SEPTIN8: variants seen among roughly 807,000 people sequenced by gnomAD.
SEPTIN8 encodes the protein septin-8.
A neutral mutation model predicts 53.1 loss-of-function variants in SEPTIN8; 22 were observed. The ratio of observed to expected loss-of-function variants is 0.41; its 90% CI spans 0.30 to 0.59. The LOEUF is 0.59. Ranked by LOEUF, SEPTIN8 falls within the 20% of genes least tolerant of loss-of-function variation. The pLI is 0.24. For synonymous variants in SEPTIN8, 228 were observed against 248.4 expected, an observed-to-expected ratio of 0.92 and a Z score of 0.77; for missense variants, 536 against 638.7, an observed-to-expected ratio of 0.84 and a Z score of 1.73.
At position 132,773,078 on chromosome 5, in the gene SEPTIN8, G is replaced by A. The variant is rs576793934; in HGVS notation, c.30+4030C>T. Among the ~76,000 whole-genome samples, 7 of 152,270 alleles carry A rather than the reference G, an allele frequency of 4.6e-5. No homozygotes were observed. Among genetic ancestry groups the A allele is most frequent in the East Asian group, 1.9e-4 (1 of 5,180 alleles). On this transcript the variant is annotated intron_variant, in intron 1 of 9. Coordinates refer to ENST00000378719, the MANE Select transcript of SEPTIN8 (RefSeq NM_001098811.2). This position sits in a 1 kb window ranked among gnomAD's most constrained non-coding sequence, Gnocchi z 4.2. ...CAAGATGCCCCCTGCCCCGTCCTCC[G>A]CTGCCTCTTCCCAGCCAGTTCTTTC... is the stretch of plus-strand genomic sequence containing the variant.
chr5:132,762,741 A>G, intron 4 of SEPTIN8, 96 bp from the exon 5 acceptor site: 2 of 1,353,352 alleles, frequency 1.5e-6, no homozygotes, highest in Non-Finnish European at 1.0e-6. Flanking sequence ...TGCCCAGGCC[A>G]TATCCCTGGG....
chr5:132,764,144 G>A, intron 3 of SEPTIN8, 80 bp downstream of exon 3: 1 of 1,431,016 alleles, frequency 7.0e-7, no homozygotes, highest in Non-Finnish European at 9.5e-7. Flanking sequence ...CCTGCAGTGT[G>A]AGGGCTGGGC....
intron 4 of SEPTIN8, 109 bp from the exon 5 acceptor site, chr5:132,762,754 G>A (rs1424207062): frequency 1.6e-6 from 2 of 1,217,658 alleles, no homozygotes; most frequent in Non-Finnish European, 2.3e-6. Flanking sequence ...TCCCTGGGCA[G>A]GGGGAAGGAG....
intron 1 of SEPTIN8, among the ~76,000 whole-genome samples, chr5:132,767,943 C>CCA (rs57640097): frequency 0.097 from 12,360 of 127,634 alleles, 835 homozygotes; most frequent in African/African-American, 0.19. Flanking sequence ...TGTCTGGAAA[C>CCA]CACACACACA....
Position 132,761,948 on chromosome 5 carries a change from C to T in SEPTIN8, c.697-52G>A, listed in dbSNP as rs1372141208. On this transcript the variant is annotated intron_variant, in intron 5 of 9. Coordinates refer to ENST00000378719, the MANE Select transcript of SEPTIN8 (RefSeq NM_001098811.2). The surrounding 1 kb of genome is among the most constrained non-coding windows in gnomAD (Gnocchi z 5.8). Reference sequence around the variant, plus strand: ...GCCCTGAGCTGACACAGACTAATGGCAGACTCTCCCTCCCTGCCCCTGGGT... The same window carrying T: ...GCCCTGAGCTGACACAGACTAATGGTAGACTCTCCCTCCCTGCCCCTGGGT... 1 of 1,486,020 alleles carries T rather than the reference C, an allele frequency of 6.7e-7. No homozygotes were observed. 92.1% of individuals were successfully genotyped at this position (1,486,020 alleles called of 1,614,324 possible). A position where few individuals can be genotyped will look rare whatever the true frequency, so the allele number is the denominator to read the frequency against.
At chr5:132,758,839 TAAAAC>T (rs778972802) in intron 9 of SEPTIN8, 183 of 1,612,374 alleles carry the variant, frequency 1.1e-4, no homozygotes, top group African/African-American at 3.7e-4. Context: ...AAAATAAAAA[TAAAAC>T]AAACAAAACA....
chr5:132,774,859 G>A (rs549873525), intron 1 of SEPTIN8, among the ~76,000 whole-genome samples: 1 of 152,156 alleles, frequency 6.6e-6, no homozygotes, highest in Admixed American at 6.5e-5. Flanking sequence ...TAAACTCTCT[G>A]AGGAACCAGT....
At chr5:132,765,312 G>A in intron 2 of SEPTIN8, 97 bp downstream of exon 2, 2 of 1,449,036 alleles carry the variant, frequency 1.4e-6, no homozygotes, top group Non-Finnish European at 1.9e-6. Flanking sequence ...CACTCTGCCT[G>A]GGAAGCCCCC....
At chr5:132,778,084 C>T (rs572618615), upstream of SEPTIN8, 15 of 985,516 alleles carry the variant, frequency 1.5e-5, no homozygotes, top group South Asian at 4.7e-4. Flanking sequence ...TTAACACTTA[C>T]GCCAGGGTCG....
intron 9 of SEPTIN8, chr5:132,756,204 C>T (rs893124562): frequency 1.0e-6 from 1 of 985,330 alleles, no homozygotes; most frequent in African/African-American, 1.7e-5. Context: ...CACATTTACA[C>T]ATACACAAAC....
At position 132,773,480 on chromosome 5, in the gene SEPTIN8, C is replaced by A. The variant is rs1466047379; in HGVS notation, c.30+3628G>T. On this transcript the variant is annotated intron_variant, in intron 1 of 9. Coordinates refer to ENST00000378719, the MANE Select transcript of SEPTIN8 (RefSeq NM_001098811.2). The surrounding 1 kb of genome is among the most constrained non-coding windows in gnomAD (Gnocchi z 4.2). ...AATATATGCTTCCACCTAGCCCATC[C>A]GAGGGCTCAAAACGCCAAGGTATCC... is the stretch of plus-strand genomic sequence containing the variant. 6.6e-6 allele frequency among the ~76,000 whole-genome samples: 1 copy of A among 152,202 alleles called. No individual in the cohort carries two copies. Among genetic ancestry groups the A allele is most frequent in the African/African-American group, 2.4e-5 (1 of 41,458 alleles).
intron 2 of SEPTIN8, 26 bp downstream of exon 2, chr5:132,765,383 G>A (rs746214629): frequency 5.6e-6 from 9 of 1,612,180 alleles, no homozygotes; most frequent in Non-Finnish European, 6.8e-6. Flanking sequence ...CCCACCCTCT[G>A]TCTGAGGCCA....
upstream of SEPTIN8, chr5:132,777,809 C>T (rs745801339): frequency 2.0e-6 from 2 of 985,492 alleles, no homozygotes; most frequent in Non-Finnish European, 2.4e-6. This position sits in a 1 kb window ranked among gnomAD's most constrained non-coding sequence, Gnocchi z 4.1. Context: ...CCCGCGCGTC[C>T]GGCCAGGCGG....
At chr5:132,758,052 T>C in intron 9 of SEPTIN8, 1 of 995,612 alleles carries the variant, frequency 1.0e-6, no homozygotes, top group Non-Finnish European at 1.2e-6. Context: ...GACAACAGCT[T>C]TGGGCTGCTG....
At chr5:132,767,198 T>C (rs1756689853) in intron 1 of SEPTIN8, among the ~76,000 whole-genome samples, 1 of 152,162 alleles carries the variant, frequency 6.6e-6, no homozygotes, top group Admixed American at 6.5e-5. Context: ...GCAAACATAA[T>C]TGGACAAGGA....
At chr5:132,779,696 C>A (rs1204694285), upstream of SEPTIN8, among the ~76,000 whole-genome samples, 1 of 152,152 alleles carries the variant, frequency 6.6e-6, no homozygotes, top group Non-Finnish European at 1.5e-5. Flanking sequence ...AAAATAAAGA[C>A]CCTTCCCTAA....
At chr5:132,758,094 C>G in intron 9 of SEPTIN8, 3 of 1,004,654 alleles carry the variant, frequency 3.0e-6, no homozygotes, top group South Asian at 8.7e-5. Flanking sequence ...AAACGCTGGA[C>G]ATGGTCTTGT....
intron 5 of SEPTIN8, among the ~76,000 whole-genome samples, chr5:132,762,218 C>T (rs1756053336): frequency 6.6e-6 from 1 of 152,226 alleles, no homozygotes; most frequent in Admixed American, 6.5e-5. Context: ...CTTAAGCCTG[C>T]TCAACTGCTT....
chr5:132,763,777 A>G lies in SEPTIN8; in HGVS notation c.463T>C (p.Tyr155His). ...YHDTRIHVCL[Y>H]FITPTGHSLK... ...GAGTGCCCTGTGGGCGTGATGAAGT[A>G]GAGGCAAACGTGGATCCTTGTGTCA... Residue 155 changes from tyrosine (Y) to histidine (H), a missense_variant, in exon 4 of 10, where the codon TAC (tyrosine) becomes CAC (histidine). Around this residue, in one of 3 missense-constraint regions of SEPTIN8, gnomAD observed 395 missense variants for 451.8 expected, o/e 0.87. Transcript: ENST00000378719. The G allele has an allele frequency of 6.2e-7, 1 of 1,614,174 alleles. No individual in the cohort carries two copies. Among genetic ancestry groups the G allele is most frequent in the South Asian group, 1.1e-5 (1 of 91,082 alleles).
Sources: gnomAD v4.1 joint callset for allele counts (sites outside exome capture counted in the v4.1 genomes callset) on GRCh38, gnomAD v4.1.1 for gene constraint, gnomAD v4.1.1 regional missense constraint, Gnocchi (gnomAD v3.1) non-coding constraint, MANE v1.5 for transcripts, NCBI Gene and HGNC (gene_info 2026-07-23, HGNC 2026-07-21) for gene names.